Variants in EFCAB11 observed in about 807,000 individuals in gnomAD.
The protein encoded by EFCAB11 is EF-hand calcium-binding domain-containing protein 11.
A neutral mutation model predicts 23.0 loss-of-function variants in EFCAB11; 14 were observed. That is an observed-to-expected ratio of 0.61 (90% confidence interval 0.40 to 0.95). EFCAB11 has a LOEUF of 0.95. Among genes scored for constraint, EFCAB11 ranks in the 40% least tolerant of loss-of-function variants. EFCAB11 has a pLI of 0.00. For missense variants in EFCAB11, 198 were observed against 195.8 expected (o/e 1.01, Z -0.07); for synonymous variants, 65 against 66.6 (o/e 0.98, Z 0.11).
chr14:89,868,528 C>T (rs1348780794), intron 5 of EFCAB11, among the ~76,000 whole-genome samples: 1 of 152,188 alleles, frequency 6.6e-6, no homozygotes, highest in East Asian at 1.9e-4. Context: ...ATAAAAAGCT[C>T]TCCTAAAAAG....
chr14:89,830,686 T>C (rs1455882757), intron 5 of EFCAB11: 1 of 152,176 alleles, frequency 6.6e-6, no homozygotes, highest in Non-Finnish European at 1.5e-5. Flanking sequence ...GTTACTTTAT[T>C]TTGAACAGTA....
At chr14:89,892,433 T>A in intron 5 of EFCAB11, 4 of 1,563,232 alleles carry the variant, frequency 2.6e-6, no homozygotes, top group Non-Finnish European at 3.5e-6. Flanking sequence ...CCCAGGCCCA[T>A]GCCAGTGTTG....
chr14:89,927,439 T>C (rs1337528328), intron 5 of EFCAB11, among the ~76,000 whole-genome samples: 2 of 152,348 alleles, frequency 1.3e-5, no homozygotes, highest in Admixed American at 1.3e-4. Flanking sequence ...TTTCTGGACC[T>C]GTGTAGTGAA....
intron 5 of EFCAB11, among the ~76,000 whole-genome samples, chr14:89,877,891 G>A (rs1457300846): frequency 6.6e-6 from 1 of 152,172 alleles, no homozygotes; most frequent in East Asian, 1.9e-4. Context: ...AAAACACTGA[G>A]CAGTAAGAAC....
intron 5 of EFCAB11, among the ~76,000 whole-genome samples, chr14:89,812,801 T>A (rs1886189964): frequency 6.6e-6 from 1 of 152,208 alleles, no homozygotes. Flanking sequence ...TGTTAGATTG[T>A]CCTAAAATTC....
rs1002976943 is a variant in EFCAB11, at chr14:89,796,102, A to G, written c.*1141T>C. ...ACAGTGAGACTCCCAAGCCTAGACCATCCTAAAGGGTTCTGCAAACATGTC... is the reference window on the plus strand; with the variant it reads ...ACAGTGAGACTCCCAAGCCTAGACCGTCCTAAAGGGTTCTGCAAACATGTC... On this transcript the variant is annotated 3_prime_UTR_variant, in exon 6 of 6. Coordinates refer to ENST00000316738, the MANE Select transcript of EFCAB11 (RefSeq NM_145231.4). The G allele has an allele frequency of 9.8e-5, 15 of 152,356 alleles. No homozygotes were observed. The highest frequency in any genetic ancestry group is 3.6e-4 in the African/African-American group (15 of 41,462). 9.4% of individuals were successfully genotyped at this position (152,356 alleles called of 1,614,324 possible).
intron 3 of EFCAB11, among the ~76,000 whole-genome samples, chr14:89,936,707 G>A (rs369271875): frequency 5.3e-5 from 8 of 152,084 alleles, no homozygotes; most frequent in South Asian, 2.1e-4. Flanking sequence ...TGTTCAGCTC[G>A]GCTCTCATGT....
At chr14:89,854,941 G>A (rs576993218) in intron 5 of EFCAB11, among the ~76,000 whole-genome samples, 147 of 152,154 alleles carry the variant, frequency 9.7e-4, no homozygotes, top group Non-Finnish European at 1.4e-3. Flanking sequence ...TAGCTTGGTC[G>A]GGGGTTTGAT....
intron 5 of EFCAB11, among the ~76,000 whole-genome samples, chr14:89,910,042 C>T (rs1889624458): frequency 6.6e-6 from 1 of 152,202 alleles, no homozygotes; most frequent in Non-Finnish European, 1.5e-5. Flanking sequence ...CCACCTACAT[C>T]CTCAACTAGA....
At chr14:89,869,309 C>T (rs537950435) in intron 5 of EFCAB11, among the ~76,000 whole-genome samples, 1 of 152,302 alleles carries the variant, frequency 6.6e-6, no homozygotes, top group Admixed American at 6.5e-5. Context: ...ATCTTGGTAT[C>T]AGTGATATAG....
In EFCAB11 at chr14:89,922,793, A is replaced by G. The variant is rs551608509; in HGVS notation, c.410+8748T>C. 1.1e-4 allele frequency among the ~76,000 whole-genome samples: 16 copies of G among 152,324 alleles called. 1 individual carries two copies. The East Asian group carries it at 2.9e-3, about 28-fold the overall frequency. On this transcript the variant is annotated intron_variant, in intron 5 of 5. Transcript: ENST00000316738. Reference sequence around the variant, plus strand: ...CACTGGAAATAACACATGGGTACAAATAACTATGAAAAAGCATGAAGAAGA... The same window carrying G: ...CACTGGAAATAACACATGGGTACAAGTAACTATGAAAAAGCATGAAGAAGA...
intron 5 of EFCAB11, among the ~76,000 whole-genome samples, chr14:89,854,903 C>T (rs1409626612): frequency 2.0e-5 from 3 of 152,144 alleles, no homozygotes; most frequent in African/African-American, 7.2e-5. Context: ...TGCATTGGGG[C>T]CTCTTAAGAG....
At chr14:89,824,789 T>C (rs1330904157) in intron 5 of EFCAB11, among the ~76,000 whole-genome samples, 2 of 151,886 alleles carry the variant, frequency 1.3e-5, no homozygotes, top group African/African-American at 4.8e-5. Flanking sequence ...TATAGCAGGG[T>C]CGATTAATCA....
chr14:89,903,383 T>C (rs1469945299), intron 5 of EFCAB11, among the ~76,000 whole-genome samples: 1 of 152,220 alleles, frequency 6.6e-6, no homozygotes, highest in Non-Finnish European at 1.5e-5. Context: ...CTGTCTGATA[T>C]GGTTTCATTT....
chr14:89,924,170 T>C (rs772692215), intron 5 of EFCAB11: 21 of 985,786 alleles, frequency 2.1e-5, no homozygotes, highest in Non-Finnish European at 2.3e-5. Context: ...AGCAATGACA[T>C]TCTCATTTTC....
intron 5 of EFCAB11, among the ~76,000 whole-genome samples, chr14:89,801,986 T>A (rs1394418077): frequency 5.7e-5 from 5 of 87,820 alleles, no homozygotes; most frequent in South Asian, 5.6e-4. Context: ...AGTGCGAGAC[T>A]CTGTCTCAAA....
chr14:89,919,381 C>A (rs1889953945), intron 5 of EFCAB11, among the ~76,000 whole-genome samples: 2 of 152,260 alleles, frequency 1.3e-5, no homozygotes, highest in South Asian at 2.1e-4. Flanking sequence ...TGGGTCAGAA[C>A]AAAGGGCGGG....
intron 5 of EFCAB11, among the ~76,000 whole-genome samples, chr14:89,851,176 A>G (rs1349760726): frequency 1.3e-5 from 2 of 152,240 alleles, no homozygotes; most frequent in East Asian, 3.8e-4. Flanking sequence ...CCTATAGGAC[A>G]TTCCTATTTG....
intron 5 of EFCAB11, among the ~76,000 whole-genome samples, chr14:89,887,942 T>C (rs1000919693): frequency 2.6e-5 from 4 of 152,178 alleles, no homozygotes; most frequent in African/African-American, 9.7e-5. Context: ...AAAAATAATC[T>C]AAAGTATACT....
Sources: allele counts gnomAD v4.1 joint callset (sites outside exome capture counted in the v4.1 genomes callset), GRCh38; gene constraint gnomAD v4.1.1; transcripts MANE v1.5; gene names NCBI Gene and HGNC (gene_info 2026-07-23, HGNC 2026-07-21).